Variants in TMCC1 observed in about 807,000 individuals in gnomAD.
TMCC1 encodes transmembrane and coiled-coil domains protein 1.
TMCC1 carries 15 observed loss-of-function variants against 52.4 expected under a neutral mutation model. That is an observed-to-expected ratio of 0.29 (90% CI 0.19 to 0.44). The LOEUF is 0.44. TMCC1 is among the 20% of genes least tolerant of loss of function. TMCC1 has a pLI of 1.00. For synonymous variants in TMCC1, 279 were observed against 301.9 expected, an observed-to-expected ratio of 0.92 and a Z score of 0.79; for missense variants, 503 against 806.0, an observed-to-expected ratio of 0.62 and a Z score of 4.55.
intron 4 of TMCC1, among the ~76,000 whole-genome samples, chr3:129,743,140 G>T (rs371629413): frequency 1.8e-4 from 28 of 152,262 alleles, no homozygotes; most frequent in Admixed American, 1.0e-3. Flanking sequence ...TCTACTAAAA[G>T]CCATGGACTG....
intron 4 of TMCC1, among the ~76,000 whole-genome samples, chr3:129,764,759 A>G (rs13093998): frequency 0.83 from 25,785 of 31,092 alleles, 10,577 homozygotes; most frequent in Non-Finnish European, 0.88. Flanking sequence ...GTGTGTGTGT[A>G]TATATATATA....
intron 2 of TMCC1, among the ~76,000 whole-genome samples, chr3:129,872,325 A>C (rs1177088022): frequency 1.3e-5 from 2 of 152,198 alleles, no homozygotes; most frequent in African/African-American, 4.8e-5. Context: ...CAGGAAGTGC[A>C]CTCAAAAGCA....
At chr3:129,860,132 C>G (rs1577117912) in intron 2 of TMCC1, among the ~76,000 whole-genome samples, 1 of 152,280 alleles carries the variant, frequency 6.6e-6, no homozygotes, top group Middle Eastern at 3.4e-3. Context: ...ATTTTCCACC[C>G]TCTACCCTCA....
intron 6 of TMCC1, among the ~76,000 whole-genome samples, chr3:129,654,088 A>G (rs1338520300): frequency 6.6e-6 from 1 of 152,164 alleles, no homozygotes; most frequent in African/African-American, 2.4e-5. Context: ...TCATGAGTTT[A>G]AATTAATTCC....
chr3:129,861,666 A>G (rs1365921761), intron 2 of TMCC1, among the ~76,000 whole-genome samples: 1 of 152,190 alleles, frequency 6.6e-6, no homozygotes, highest in Non-Finnish European at 1.5e-5. Context: ...TAAAACCACA[A>G]TGAGGTACCA....
At chr3:129,765,128 TC>T (rs1416090361) in intron 4 of TMCC1, among the ~76,000 whole-genome samples, 1 of 94,062 alleles carries the variant, frequency 1.1e-5, no homozygotes, top group Non-Finnish European at 3.1e-5. Context: ...TTCCAAAGTT[TC>T]AAATACTCAA....
Position 129,670,434 on chromosome 3 carries a change from G to C in TMCC1, c.1407C>G (p.Ile469Met), listed in dbSNP as rs1471581700. ...FDALLHEIQE[I>M]RETQARLEES... is the part of the protein sequence containing the mutation. ...CCTCTAGTCTGGCCTGGGTTTCCCG[G>C]ATCTCCTGGATCTCATGTAGTAGTG... The change falls in exon 5 of 7, where the codon ATC becomes ATG. Residue 469 changes from isoleucine to methionine, a missense_variant. Ile to Met is a conservative substitution (Grantham distance 10, BLOSUM62 1). Coordinates refer to ENST00000393238, the MANE Select transcript of TMCC1 (RefSeq NM_001017395.5). 3 of 1,614,162 alleles carry C rather than the reference G, an allele frequency of 1.9e-6. No individual in the cohort carries two copies. Among genetic ancestry groups the C allele is most frequent in the Non-Finnish European group, 2.5e-6 (3 of 1,180,026 alleles).
chr3:129,827,346 CT>C (rs1274747186), intron 4 of TMCC1, among the ~76,000 whole-genome samples: 1 of 152,182 alleles, frequency 6.6e-6, no homozygotes, highest in Non-Finnish European at 1.5e-5. Flanking sequence ...ATGAATGCTG[CT>C]GATGTACTAC....
intron 4 of TMCC1, among the ~76,000 whole-genome samples, chr3:129,804,669 T>G (rs1285638922): frequency 6.6e-6 from 1 of 152,144 alleles, no homozygotes; most frequent in Non-Finnish European, 1.5e-5. Flanking sequence ...TTGGAGAGTA[T>G]GTGGTAGTAT....
intron 4 of TMCC1, among the ~76,000 whole-genome samples, chr3:129,722,879 T>C (rs961260291): frequency 6.6e-6 from 1 of 152,104 alleles, no homozygotes; most frequent in Admixed American, 6.6e-5. Flanking sequence ...GCTTAAAAAG[T>C]TGGCATTTAA....
chr3:129,725,494 G>C (rs1286683813), intron 4 of TMCC1, among the ~76,000 whole-genome samples: 2 of 151,244 alleles, frequency 1.3e-5, no homozygotes, highest in Non-Finnish European at 2.9e-5. Context: ...ATTTTTTTAA[G>C]TAAATAGAAA....
chr3:129,764,757 G>GTATATA (rs869170594), intron 4 of TMCC1, among the ~76,000 whole-genome samples: 11 of 73,380 alleles, frequency 1.5e-4, no homozygotes, highest in African/African-American at 9.9e-4. Context: ...GTGTGTGTGT[G>GTATATA]TATATATATA....
intron 4 of TMCC1, among the ~76,000 whole-genome samples, chr3:129,775,588 AGAG>A (rs1354564657): frequency 6.6e-6 from 1 of 152,230 alleles, no homozygotes; most frequent in Non-Finnish European, 1.5e-5. Context: ...GGGAAAAGAA[AGAG>A]GAGGGAAAGG....
At position 129,808,829 on chromosome 3, in the gene TMCC1, C is replaced by T. The variant is rs186537248; in HGVS notation, c.576+18974G>A. Among the ~76,000 whole-genome samples, 12 of 138,640 alleles carry T rather than the reference C, an allele frequency of 8.7e-5. No homozygotes were observed. The Admixed American group carries it at 8.9e-4, about 10-fold the overall frequency. The allele number at this position is 138,640 out of a possible 152,430, so 91.0% of individuals were successfully genotyped here. On this transcript the variant is annotated intron_variant, in intron 4 of 6. Transcript: ENST00000393238. ...ACAGAAAAAAAAATAGCAGCATAAG[C>T]ATGTTATTTAGAAAATATTTAGATA...
At chr3:129,832,403 A>G (rs557660077) in intron 3 of TMCC1, among the ~76,000 whole-genome samples, 3 of 152,286 alleles carry the variant, frequency 2.0e-5, no homozygotes, top group South Asian at 2.1e-4. Flanking sequence ...AGGAAGGGGG[A>G]CAAAAAACGC....
intron 4 of TMCC1, among the ~76,000 whole-genome samples, chr3:129,804,062 T>C (rs1166264311): frequency 2.0e-5 from 3 of 152,162 alleles, no homozygotes; most frequent in South Asian, 2.1e-4. Context: ...TCTTCTCTTA[T>C]AGACTACAAA....
intron 4 of TMCC1, among the ~76,000 whole-genome samples, chr3:129,732,339 A>G (rs1043005754): frequency 1.3e-5 from 2 of 152,060 alleles, no homozygotes; most frequent in African/African-American, 2.4e-5. Context: ...TTAAGTTTTC[A>G]AAGTCTTTGC....
chr3:129,879,813 C>A (rs963067212), intron 2 of TMCC1, among the ~76,000 whole-genome samples: 2 of 152,174 alleles, frequency 1.3e-5, no homozygotes, highest in African/African-American at 4.8e-5. Flanking sequence ...CCTAAACCAT[C>A]CAGTGTCTAT....
At chr3:129,721,704 CAAAA>C (rs765601986) in intron 4 of TMCC1, among the ~76,000 whole-genome samples, 5 of 76,056 alleles carry the variant, frequency 6.6e-5, no homozygotes, top group African/African-American at 1.7e-4. Flanking sequence ...ACTAAAAATA[CAAAA>C]AAAAAAAAAA....
Sources: allele counts gnomAD v4.1 joint callset (sites outside exome capture counted in the v4.1 genomes callset), GRCh38; gene constraint gnomAD v4.1.1; transcripts MANE v1.5; gene names NCBI Gene and HGNC (gene_info 2026-07-23, HGNC 2026-07-21).